Variants in ADGRB1 observed in about 807,000 individuals in gnomAD.
The protein encoded by ADGRB1 is brain-specific angiogenesis inhibitor 1.
In ADGRB1, 36 loss-of-function variants were observed where a neutral mutation model predicts 175.7. The observed-to-expected ratio is 0.20, with a 90% CI of 0.16 to 0.27. The LOEUF is 0.27. ADGRB1 is among the 10% of genes least tolerant of loss of function. ADGRB1 has a pLI of 1.00. For missense variants in ADGRB1, 1,731 were observed against 2,255.3 expected (o/e 0.77, Z 4.71); for synonymous variants, 1,054 against 979.4 (o/e 1.08, Z -1.42).
intron 17 of ADGRB1, among the ~76,000 whole-genome samples, chr8:142,506,668 C>T (rs755547519): frequency 3.3e-5 from 5 of 152,312 alleles, no homozygotes; most frequent in East Asian, 1.9e-4. Flanking sequence ...GTCAGACTTT[C>T]GGGGGAACTT....
chr8:142,516,308 G>T (rs528681463), intron 18 of ADGRB1, among the ~76,000 whole-genome samples: 1 of 141,564 alleles, frequency 7.1e-6, no homozygotes, highest in Non-Finnish European at 1.5e-5. Context: ...AGGTGCATGC[G>T]TGTGTGCGGG....
At position 142,511,312 on chromosome 8, in the gene ADGRB1, C is replaced by T. The variant is rs550679964; in HGVS notation, c.2817+239C>T. On this transcript the variant is annotated intron_variant, in intron 18 of 30. Coordinates refer to ENST00000517894, the MANE Select transcript of ADGRB1 (RefSeq NM_001702.3). This position sits in a 1 kb window ranked among gnomAD's most constrained non-coding sequence, Gnocchi z 4.5. Reference sequence around the variant, plus strand: ...CGGGCCTGGGAGGAGTCGGGACCCCCGGAAAGTGGCTGATGGGTGGGTCCC... The same window carrying T: ...CGGGCCTGGGAGGAGTCGGGACCCCTGGAAAGTGGCTGATGGGTGGGTCCC... Among the ~76,000 whole-genome samples the T allele has an allele frequency of 6.6e-6, 1 of 151,944 alleles. No individual in the cohort carries two copies. The highest frequency in any genetic ancestry group is 1.5e-5 in the Non-Finnish European group (1 of 67,938).
At chr8:142,526,660 C>G (rs1305034940) in intron 24 of ADGRB1, 33 bp downstream of exon 24, 4 of 1,585,936 alleles carry the variant, frequency 2.5e-6, no homozygotes, top group Admixed American at 1.8e-5. Flanking sequence ...CCTTGCCCAC[C>G]CGGAGTGCAA....
intron 24 of ADGRB1, among the ~76,000 whole-genome samples, chr8:142,531,762 C>T (rs1172359980): frequency 6.6e-6 from 1 of 152,160 alleles, no homozygotes; most frequent in African/African-American, 2.4e-5. Context: ...CCCTGCCGGA[C>T]AGCATCACTG....
chr8:142,543,359 T>G lies in ADGRB1; in HGVS notation c.4414-44T>G, dbSNP rs761971046. 38 of 1,611,914 alleles carry G rather than the reference T, an allele frequency of 2.4e-5. No individual in the cohort carries two copies. Among genetic ancestry groups the G allele is most frequent in the Admixed American group, 1.0e-4 (6 of 59,828 alleles). On this transcript the variant is annotated intron_variant, in intron 28 of 30. Coordinates refer to ENST00000517894, the MANE Select transcript of ADGRB1 (RefSeq NM_001702.3). The surrounding 1 kb of genome is among the most constrained non-coding windows in gnomAD (Gnocchi z 4.4). ...TGAGGCAGGGAGAGGCGTGGACTTG[T>G]CAGGGACCCTTGGCGAATGTTCGCA...
At position 142,533,383 on chromosome 8, in the gene ADGRB1, G is replaced by A. The variant is rs765408476; in HGVS notation, c.3487G>A (p.Ala1163Thr). ...AVLAVTDRRSALFQILFAVFD... is the reference protein window; with the variant it reads ...AVLAVTDRRSTLFQILFAVFD... ...GCTCGCCGTCACCGACCGCCGCTCC[G>A]CCCTCTTCCAGATCCTCTTCGCTGT... Residue 1163 changes from alanine to threonine, a missense_variant, in exon 25 of 31, where the codon GCC (alanine) becomes ACC (threonine). Ala to Thr is a moderately conservative substitution (Grantham distance 58, BLOSUM62 0). Around this residue, in one of 8 missense-constraint regions of ADGRB1, gnomAD observed 301 missense variants for 488.4 expected, o/e 0.62. Transcript: ENST00000517894. 27 of 1,610,982 alleles carry A rather than the reference G, an allele frequency of 1.7e-5. 1 individual carries two copies. The highest frequency in any genetic ancestry group is 1.7e-4 in the South Asian group (15 of 90,710).
intron 24 of ADGRB1, among the ~76,000 whole-genome samples, chr8:142,533,025 TG>T (rs1279394177): frequency 6.6e-6 from 1 of 151,860 alleles, no homozygotes; most frequent in African/African-American, 2.4e-5. Context: ...CTCCCCAGCC[TG>T]GGGCAAGGGC....
Position 142,479,386 on chromosome 8 carries a change from G to A in ADGRB1, c.1625G>A (p.Ser542Asn). 1.3e-6 allele frequency: 2 copies of A among 1,532,354 alleles called. No homozygotes were observed. The allele number at this position is 1,532,354 out of a possible 1,614,324, so 94.9% of individuals were successfully genotyped here. A position where few individuals can be genotyped will look rare whatever the true frequency, so the allele number is the denominator to read the frequency against. ...GSCSVTCGAG[S>N]QRRERVCSGP... ...TGCAGCGTCACGTGTGGGGCTGGCA[G>A]CCAGCGACGGGAGCGTGTCTGCTCT... The change falls in exon 8 of 31, where the codon AGC becomes AAC. Residue 542 changes from serine to asparagine, a missense_variant. Transcript: ENST00000517894.
At chr8:142,524,102 G>A in intron 22 of ADGRB1, 136 bp from the exon 23 acceptor site, 2 of 925,912 alleles carry the variant, frequency 2.2e-6, no homozygotes, top group Non-Finnish European at 3.3e-6. Context: ...GACCTGCCCT[G>A]CATGCCGAAG....
intron 17 of ADGRB1, among the ~76,000 whole-genome samples, chr8:142,506,047 T>A (rs890902266): frequency 8.5e-5 from 13 of 152,332 alleles, no homozygotes; most frequent in African/African-American, 2.9e-4. Context: ...TGTGGGACTG[T>A]CATGCACCAG....
At position 142,455,969 on chromosome 8, in the gene ADGRB1, G is replaced by T. The variant is rs1839649232; in HGVS notation, c.-220+5865G>T. On this transcript the variant is annotated intron_variant, in intron 1 of 30. Coordinates refer to ENST00000517894, the MANE Select transcript of ADGRB1 (RefSeq NM_001702.3). This position sits in a 1 kb window ranked among gnomAD's most constrained non-coding sequence, Gnocchi z 4.9. ...CCAGAGCGTCCAGGGTAGCGCCTGT[G>T]TAGTGCCAGGGAGGGTAGGGCTGTC... Among the ~76,000 whole-genome samples, 1 of 152,156 alleles carries T rather than the reference G, an allele frequency of 6.6e-6. No homozygotes were observed. The highest frequency in any genetic ancestry group is 2.4e-5 in the African/African-American group (1 of 41,430).
intron 24 of ADGRB1, among the ~76,000 whole-genome samples, chr8:142,527,664 C>G (rs1196691680): frequency 1.3e-5 from 2 of 152,172 alleles, no homozygotes; most frequent in Non-Finnish European, 2.9e-5. Context: ...CACCCTGTCC[C>G]ACACTGCTCC....
chr8:142,502,784 A>T (rs934877281), intron 17 of ADGRB1, among the ~76,000 whole-genome samples: 9 of 151,604 alleles, frequency 5.9e-5, no homozygotes, highest in African/African-American at 2.2e-4. Context: ...TGATGGTGTC[A>T]TGGATGGTGG....
chr8:142,525,840 G>A (rs555145618), intron 23 of ADGRB1, among the ~76,000 whole-genome samples: 100 of 152,226 alleles, frequency 6.6e-4, no homozygotes, highest in East Asian at 9.7e-4. Context: ...GATGCAGGAG[G>A]AGGGCCTCAG....
At chr8:142,502,059 G>A (rs1469943766) in intron 17 of ADGRB1, among the ~76,000 whole-genome samples, 1 of 100,906 alleles carries the variant, frequency 9.9e-6, no homozygotes, top group Non-Finnish European at 2.1e-5. Context: ...GGTGGTCGGG[G>A]TGGGGGTGAT....
At chr8:142,484,144 G>C in intron 12 of ADGRB1, 99 bp downstream of exon 12, 2 of 1,030,920 alleles carry the variant, frequency 1.9e-6, no homozygotes, top group Non-Finnish European at 2.9e-6. Flanking sequence ...GGTCCCGCCG[G>C]GTGCTCTGGG....
chr8:142,505,965 C>T (rs995320005), intron 17 of ADGRB1, among the ~76,000 whole-genome samples: 1 of 152,130 alleles, frequency 6.6e-6, no homozygotes, highest in Non-Finnish European at 1.5e-5. Context: ...GCAGGCTGGC[C>T]GTGCCCTCCC....
chr8:142,506,721 C>T (rs1258531886), intron 17 of ADGRB1, among the ~76,000 whole-genome samples: 5 of 152,250 alleles, frequency 3.3e-5, no homozygotes, highest in African/African-American at 1.2e-4. Context: ...GGATGCGTCC[C>T]AGAGATTTTG....
intron 2 of ADGRB1, among the ~76,000 whole-genome samples, chr8:142,466,675 G>A (rs1840293564): frequency 6.6e-6 from 1 of 152,246 alleles, no homozygotes; most frequent in Non-Finnish European, 1.5e-5. Flanking sequence ...GGCGGCTTCT[G>A]TGGTGTGGCA....
Sources: allele counts gnomAD v4.1 joint callset (sites outside exome capture counted in the v4.1 genomes callset), GRCh38; gene constraint gnomAD v4.1.1; regional missense constraint gnomAD v4.1.1; non-coding constraint Gnocchi (gnomAD v3.1); transcripts MANE v1.5; gene names NCBI Gene and HGNC (gene_info 2026-07-23, HGNC 2026-07-21).